The following ABAT variants were observed in gnomAD, a reference collection of about 807,000 sequenced individuals.
ABAT encodes 4-aminobutyrate aminotransferase, mitochondrial.
A neutral mutation model predicts 64.6 loss-of-function variants in ABAT; 45 were observed. The observed-to-expected ratio is 0.70, with a 90% CI of 0.55 to 0.89. The LOEUF (loss-of-function observed/expected upper bound fraction) is 0.89. Ranked by LOEUF, ABAT falls within the 40% of genes least tolerant of loss-of-function variation. ABAT has a pLI of 0.00. For synonymous variants in ABAT, 297 were observed against 250.5 expected, an observed-to-expected ratio of 1.19 and a Z score of -1.75; for missense variants, 633 against 658.4, an observed-to-expected ratio of 0.96 and a Z score of 0.42.
Position 8,717,926 on chromosome 16 carries a change from A to G in ABAT, c.-41-17773A>G, listed in dbSNP as rs535387561. 3.8e-4 allele frequency among the ~76,000 whole-genome samples: 57 copies of G among 151,840 alleles called. 1 individual carries two copies. The South Asian group carries it at 0.011, about 30-fold the overall frequency. On this transcript the variant is annotated intron_variant, in intron 1 of 15. Transcript: ENST00000268251. ...CACCTTGGCCTCCCAACATGCTGGG[A>G]TTACACATCAGGTCCCAGGTCACCT... is the stretch of plus-strand genomic sequence containing the variant.
rs562550076 is a variant in ABAT at position 8,692,066 on chromosome 16, C to G, written c.-42+17355C>G. ...CTTTCCTTCCAGTAGAGTGGCAGGA[C>G]CTGGGTTCCATGTTAGAGTCAGTAA... On this transcript the variant is annotated intron_variant, in intron 1 of 15. Coordinates refer to ENST00000268251, the MANE Select transcript of ABAT (RefSeq NM_020686.6). Among the ~76,000 whole-genome samples the G allele has an allele frequency of 2.6e-5, 4 of 152,208 alleles. No homozygotes were observed. The South Asian group carries it at 8.3e-4, about 32-fold the overall frequency.
chr16:8,693,808 G>A (rs945519228), intron 1 of ABAT, among the ~76,000 whole-genome samples: 1 of 151,992 alleles, frequency 6.6e-6, no homozygotes, highest in African/African-American at 2.4e-5. Context: ...GTTTTATTTT[G>A]TTTCACTTTG....
At chr16:8,742,109 A>T (rs1358258888) in intron 2 of ABAT, among the ~76,000 whole-genome samples, 1 of 152,198 alleles carries the variant, frequency 6.6e-6, no homozygotes, top group African/African-American at 2.4e-5. Flanking sequence ...TGTCCTCAGC[A>T]TTCCTGGCTT....
intron 1 of ABAT, among the ~76,000 whole-genome samples, chr16:8,732,659 C>G (rs542719881): frequency 0.013 from 1,972 of 151,474 alleles, 97 homozygotes; most frequent in African/African-American, 0.046. Flanking sequence ...ATTTCTCAAT[C>G]TTTTCCCCAC....
intron 2 of ABAT, among the ~76,000 whole-genome samples, chr16:8,745,019 A>T (rs1199594508): frequency 1.3e-5 from 2 of 151,794 alleles, no homozygotes; most frequent in Admixed American, 6.6e-5. Context: ...ACAGCGTCTC[A>T]CTCTGTTGCC....
At chr16:8,725,697 T>G (rs2058531061) in intron 1 of ABAT, among the ~76,000 whole-genome samples, 2 of 152,214 alleles carry the variant, frequency 1.3e-5, no homozygotes, top group Non-Finnish European at 1.5e-5. Context: ...GAGTCTCTGT[T>G]TTCAGTTCTT....
intron 1 of ABAT, among the ~76,000 whole-genome samples, chr16:8,725,196 G>A (rs997081654): frequency 8.5e-5 from 13 of 152,210 alleles, no homozygotes; most frequent in African/African-American, 2.7e-4. Context: ...GATTATAGGC[G>A]TGAGCCAGCG....
intron 1 of ABAT, among the ~76,000 whole-genome samples, chr16:8,724,939 T>G (rs1426106999): frequency 4.0e-5 from 6 of 149,798 alleles, no homozygotes; most frequent in Admixed American, 2.7e-4. Context: ...TTTTTTGAGA[T>G]GGAGTCTCAC....
chr16:8,773,137 C>CACACAA (rs1567315664), intron 12 of ABAT, among the ~76,000 whole-genome samples: 1 of 132,934 alleles, frequency 7.5e-6, no homozygotes, highest in African/African-American at 3.6e-5. Context: ...CACACACACA[C>CACACAA]ACACACACAC....
intron 5 of ABAT, among the ~76,000 whole-genome samples, chr16:8,754,658 G>A (rs953694580): frequency 1.6e-4 from 2 of 12,692 alleles, no homozygotes; most frequent in African/African-American, 3.0e-4. Context: ...TTTTCAGCAA[G>A]TTGATTTATT....
At chr16:8,745,932 T>A in intron 2 of ABAT, 69 bp from the exon 3 acceptor site, 1 of 1,456,874 alleles carries the variant, frequency 6.9e-7, no homozygotes, top group East Asian at 2.3e-5. Context: ...ACATTGGGCA[T>A]CTGTCAGGGC....
intron 1 of ABAT, among the ~76,000 whole-genome samples, chr16:8,708,504 T>C (rs1277925941): frequency 1.3e-5 from 2 of 152,172 alleles, no homozygotes; most frequent in Non-Finnish European, 2.9e-5. Context: ...TCTCACTTTG[T>C]TGCCCAGGCT....
intron 1 of ABAT, among the ~76,000 whole-genome samples, chr16:8,719,309 C>A (rs1340642180): frequency 6.6e-6 from 1 of 152,218 alleles, no homozygotes; most frequent in Non-Finnish European, 1.5e-5. Context: ...TTCTTTCACT[C>A]CTCCTCCCTT....
At chr16:8,733,823 G>C (rs977163417) in intron 1 of ABAT, among the ~76,000 whole-genome samples, 3 of 147,816 alleles carry the variant, frequency 2.0e-5, no homozygotes, top group African/African-American at 5.4e-5. Flanking sequence ...AAGAGAGGGA[G>C]AGGGAGAGGG....
chr16:8,708,782 C>T (rs933570087), intron 1 of ABAT, among the ~76,000 whole-genome samples: 1 of 152,164 alleles, frequency 6.6e-6, no homozygotes, highest in African/African-American at 2.4e-5. Context: ...TAAATAGCTC[C>T]GGGATCTTGG....
chr16:8,782,284 C>G lies in ABAT; in HGVS notation c.*854C>G, dbSNP rs2060458044. ...GGGCTAGAAGCACAGGCCCGTCACC[C>G]CAGGAGGAAAAGCCCAGGGTCTGGG... is the stretch of plus-strand genomic sequence containing the variant. On this transcript the variant is annotated 3_prime_UTR_variant, in exon 16 of 16. Transcript: ENST00000268251. The G allele has an allele frequency of 6.6e-6, 1 of 152,432 alleles. No homozygotes were observed. The highest frequency in any genetic ancestry group is 2.4e-5 in the African/African-American group (1 of 41,472). The allele number at this position is 152,432 out of a possible 1,614,324, so 9.4% of individuals were successfully genotyped here.
At chr16:8,716,333 A>T (rs888597195) in intron 1 of ABAT, among the ~76,000 whole-genome samples, 5 of 152,144 alleles carry the variant, frequency 3.3e-5, no homozygotes, top group Non-Finnish European at 7.4e-5. Context: ...TAATATCAGA[A>T]GGTTGTTCTG....
chr16:8,784,391 G>A lies in ABAT; in HGVS notation c.*2961G>A, dbSNP rs1356619489. On this transcript the variant is annotated 3_prime_UTR_variant, in exon 16 of 16. Transcript: ENST00000268251. ...CATGGTAGAAAACCATAGCTAAGTA[G>A]CATCGCAGACTTAAGCGTACAAAGT... The A allele has an allele frequency of 6.6e-6, 1 of 152,592 alleles. No homozygotes were observed. Among genetic ancestry groups the A allele is most frequent in the African/African-American group, 2.4e-5 (1 of 41,416 alleles). The allele number at this position is 152,592 out of a possible 1,614,324, so 9.5% of individuals were successfully genotyped here.
intron 1 of ABAT, among the ~76,000 whole-genome samples, chr16:8,710,491 A>G (rs544857668): frequency 2.0e-4 from 31 of 152,160 alleles, no homozygotes; most frequent in African/African-American, 7.0e-4. Flanking sequence ...TAATCTCAGC[A>G]CTTTGGGAGG....
Sources: allele counts gnomAD v4.1 joint callset (sites outside exome capture counted in the v4.1 genomes callset), GRCh38; gene constraint gnomAD v4.1.1; transcripts MANE v1.5; gene names NCBI Gene and HGNC (gene_info 2026-07-23, HGNC 2026-07-21).